Variants in DMD observed in about 807,000 individuals in gnomAD.
The protein encoded by DMD is mutant dystrophin.
In DMD, 63 loss-of-function variants were observed where a neutral mutation model predicts 330.1. That is an observed-to-expected ratio of 0.19 (90% CI 0.16 to 0.24). DMD has a LOEUF of 0.24. DMD is among the 10% of genes least tolerant of loss of function. The pLI is 1.00. For synonymous variants in DMD, 1,223 were observed against 959.8 expected (o/e 1.27, Z -5.07); for missense variants, 3,344 against 2,684.1 (o/e 1.25, Z -5.43).
Position 33,115,673 on chromosome X carries a change from G to A in DMD, c.32-95473C>T, listed in dbSNP as rs188656265. On this transcript the variant is annotated intron_variant, in intron 1 of 78. Transcript: ENST00000357033. ...ACTACAGGCGCCCGCAACCACGCCC[G>A]GCTAATTTTTTGTATTTTTAGTAGA... Among the ~76,000 whole-genome samples the A allele has an allele frequency of 4.0e-3, 428 of 107,554 alleles. 2 individuals carry two copies. The highest frequency in any genetic ancestry group is 0.013 in the African/African-American group (398 of 29,655). The allele number at this position is 107,554 out of a possible 115,157, so 93.4% of individuals were successfully genotyped here.
intron 1 of DMD, among the ~76,000 whole-genome samples, chrX:33,243,749 C>T (rs2052624271): frequency 1.8e-5 from 2 of 111,341 alleles, no homozygotes; most frequent in African/African-American, 6.5e-5. Flanking sequence ...TGGATGGAAC[C>T]GGAGGCCATT....
chrX:32,746,414 G>A (rs1473493638), intron 7 of DMD, among the ~76,000 whole-genome samples: 1 of 111,787 alleles, frequency 8.9e-6, no homozygotes, highest in African/African-American at 3.3e-5. Context: ...AAGAAGCAGT[G>A]GTCTAGGGCA....
intron 16 of DMD, among the ~76,000 whole-genome samples, chrX:32,552,342 T>C (rs1001024478): frequency 1.8e-5 from 2 of 111,474 alleles, no homozygotes; most frequent in Non-Finnish European, 3.8e-5. Context: ...TGTTCTTCAA[T>C]GAAATCAACA....
chrX:32,771,127 G>A (rs921035764), intron 7 of DMD, among the ~76,000 whole-genome samples: 8 of 111,869 alleles, frequency 7.2e-5, no homozygotes, highest in African/African-American at 9.7e-5. Context: ...TATGATTAGC[G>A]CATGCAATAT....
chrX:32,073,765 G>T (rs1014393941), intron 44 of DMD, among the ~76,000 whole-genome samples: 11 of 111,455 alleles, frequency 9.9e-5, no homozygotes, highest in African/African-American at 2.9e-4. Context: ...CTGTCATTTT[G>T]AATTGACACC....
chrX:31,557,722 A>G (rs2074932049), intron 55 of DMD, among the ~76,000 whole-genome samples: 1 of 112,093 alleles, frequency 8.9e-6, no homozygotes, highest in Admixed American at 9.4e-5. Flanking sequence ...TTGGTTGCCA[A>G]AGGAGGGGAA....
At chrX:31,129,152 T>A in intron 77 of DMD, among the ~76,000 whole-genome samples, 1 of 111,411 alleles carries the variant, frequency 9.0e-6, no homozygotes, top group East Asian at 2.8e-4. Context: ...TCGGGCACTA[T>A]AAAATTGACA....
chrX:31,830,062 G>T (rs1006753948), intron 49 of DMD, among the ~76,000 whole-genome samples: 1 of 112,170 alleles, frequency 8.9e-6, no homozygotes, highest in African/African-American at 3.2e-5. Flanking sequence ...CCACAATGTT[G>T]TATATTAGCC....
At chrX:32,852,078 C>A (rs2081181733) in intron 2 of DMD, among the ~76,000 whole-genome samples, 1 of 111,710 alleles carries the variant, frequency 9.0e-6, no homozygotes, top group Non-Finnish European at 1.9e-5. Context: ...AGTGCTTGTA[C>A]CACCCCATCC....
At chrX:32,665,381 G>A (rs1278101610) in intron 9 of DMD, among the ~76,000 whole-genome samples, 2 of 111,926 alleles carry the variant, frequency 1.8e-5, no homozygotes, top group South Asian at 3.7e-4. Flanking sequence ...CCTAATGTTG[G>A]TAAGCTAAGT....
intron 60 of DMD, among the ~76,000 whole-genome samples, chrX:31,431,214 A>G (rs1318274421): frequency 9.0e-6 from 1 of 111,379 alleles, no homozygotes; most frequent in Admixed American, 9.6e-5. Context: ...ATATTTATGG[A>G]TGGAAACAGA....
intron 2 of DMD, among the ~76,000 whole-genome samples, chrX:32,901,426 C>T (rs2086232282): frequency 9.2e-6 from 1 of 108,965 alleles, no homozygotes; most frequent in Admixed American, 9.6e-5. Flanking sequence ...CTACAGTCAG[C>T]CAAGCAATTT....
intron 13 of DMD, among the ~76,000 whole-genome samples, chrX:32,583,253 C>T (rs808561): frequency 0.55 from 60,422 of 110,638 alleles, 13,918 homozygotes; most frequent in African/African-American, 0.9. Flanking sequence ...CCCAACACTT[C>T]GGCAGGCCGA....
intron 2 of DMD, among the ~76,000 whole-genome samples, chrX:32,984,032 T>A (rs2092780560): frequency 8.9e-6 from 1 of 111,945 alleles, no homozygotes; most frequent in African/African-American, 3.2e-5. Context: ...CCGTTTTTTT[T>A]AAACTGGAAG....
At chrX:32,337,737 T>G (rs2097722539) in intron 41 of DMD, among the ~76,000 whole-genome samples, 1 of 111,021 alleles carries the variant, frequency 9.0e-6, no homozygotes, top group African/African-American at 3.3e-5. Flanking sequence ...GGATATGTAA[T>G]TCATAGGATA....
At chrX:32,809,736 G>A (rs2077206046) in intron 6 of DMD, 125 bp from the exon 7 acceptor site, 7 of 542,193 alleles carry the variant, frequency 1.3e-5, no homozygotes, top group South Asian at 1.3e-4. Context: ...TAAGTCTTGA[G>A]TGTAATTCAT....
At chrX:32,736,778 A>C (rs1327449368) in intron 7 of DMD, among the ~76,000 whole-genome samples, 1 of 57,403 alleles carries the variant, frequency 1.7e-5, no homozygotes, top group Non-Finnish European at 3.2e-5. Context: ...GGGTGGGGGG[A>C]GGGGGTAGGG....
At chrX:32,215,350 T>G (rs2097108491) in intron 44 of DMD, among the ~76,000 whole-genome samples, 1 of 111,167 alleles carries the variant, frequency 9.0e-6, no homozygotes, top group Non-Finnish European at 1.9e-5. Context: ...AGAGCTTAAC[T>G]GACTTCAAGA....
chrX:31,993,309 G>T (rs1303751292), intron 44 of DMD, among the ~76,000 whole-genome samples: 1 of 111,756 alleles, frequency 8.9e-6, no homozygotes, highest in Non-Finnish European at 1.9e-5. Flanking sequence ...CTTATCATAG[G>T]AAAGAATCTT....
Sources: allele counts gnomAD v4.1 joint callset (sites outside exome capture counted in the v4.1 genomes callset), GRCh38; gene constraint gnomAD v4.1.1; transcripts MANE v1.5; gene names NCBI Gene and HGNC (gene_info 2026-07-23, HGNC 2026-07-21).